DSTN: variants seen among roughly 807,000 people sequenced by gnomAD.
The protein encoded by DSTN is destrin, actin depolymerizing factor, also known as destrin.
In DSTN, 10 loss-of-function variants were observed where a neutral mutation model predicts 16.8. The observed-to-expected ratio is 0.60, with a 90% confidence interval of 0.37 to 1.01. DSTN has a LOEUF of 1.01. Among genes scored for constraint, DSTN ranks in the 50% least tolerant of loss-of-function variants. The pLI, the probability that DSTN is intolerant of heterozygous loss-of-function variation, is 0.01. For missense variants in DSTN, 141 were observed against 196.7 expected, an observed-to-expected ratio of 0.72 and a Z score of 1.69; for synonymous variants, 57 against 58.9, an observed-to-expected ratio of 0.97 and a Z score of 0.14.
intron 1 of DSTN, among the ~76,000 whole-genome samples, chr20:17,582,104 A>C (rs1226059728): frequency 7.4e-6 from 1 of 134,452 alleles, no homozygotes; most frequent in East Asian, 2.2e-4. Context: ...TTTGAGACTG[A>C]GTCTCACCCT....
rs2035669952 is a variant in DSTN at position 17,608,819 on chromosome 20, TAC to T, written c.*1677_*1678del. On this transcript the variant is annotated 3_prime_UTR_variant, in exon 4 of 4. Transcript: ENST00000246069. ...TGCCATCACATGGTTAGCATTTTGA[TAC>T]ACAGCTGTGCATTATTACATGTCAA... 6.6e-6 allele frequency: 1 copy of T among 152,256 alleles called. No individual in the cohort carries two copies. Among genetic ancestry groups the T allele is most frequent in the Non-Finnish European group, 1.5e-5 (1 of 68,044 alleles). The allele number at this position is 152,256 out of a possible 1,614,324, so 9.4% of individuals were successfully genotyped here.
chr20:17,602,808 C>T (rs983547205), intron 2 of DSTN, among the ~76,000 whole-genome samples: 6 of 152,120 alleles, frequency 3.9e-5, no homozygotes, highest in African/African-American at 1.2e-4. Context: ...GGGCAGATCA[C>T]GAGGTCAAGA....
chr20:17,593,858 A>G (rs2035496883), intron 1 of DSTN, among the ~76,000 whole-genome samples: 1 of 152,096 alleles, frequency 6.6e-6, no homozygotes, highest in Non-Finnish European at 1.5e-5. Context: ...GCAGGACAAT[A>G]GCTTGAGGCC....
At chr20:17,604,659 TA>T in intron 3 of DSTN, 28 bp downstream of exon 3, 1 of 1,591,380 alleles carries the variant, frequency 6.3e-7, no homozygotes, top group Non-Finnish European at 8.6e-7. Flanking sequence ...TCTGAATATG[TA>T]GAGGTATGGT....
chr20:17,591,412 G>A (rs1447060444), intron 1 of DSTN, among the ~76,000 whole-genome samples: 2 of 151,778 alleles, frequency 1.3e-5, no homozygotes, highest in Non-Finnish European at 2.9e-5. Context: ...GGGCCCATAG[G>A]CTTTGCCAGG....
chr20:17,572,052 T>A (rs1404943143), intron 1 of DSTN, among the ~76,000 whole-genome samples: 1 of 152,226 alleles, frequency 6.6e-6, no homozygotes, highest in Non-Finnish European at 1.5e-5. Flanking sequence ...GAGAATATTG[T>A]GGGTATTATC....
chr20:17,586,862 A>C (rs2035415465), intron 1 of DSTN, among the ~76,000 whole-genome samples: 1 of 152,202 alleles, frequency 6.6e-6, no homozygotes, highest in African/African-American at 2.4e-5. Flanking sequence ...ACAGATGATG[A>C]AGCTGAGGAT....
In DSTN at chr20:17,570,092, C is replaced by A; in HGVS notation, c.-117C>A. The A allele has an allele frequency of 2.1e-6, 3 of 1,454,206 alleles. No homozygotes were observed. Among genetic ancestry groups the A allele is most frequent in the South Asian group, 1.3e-5 (1 of 77,134 alleles). 90.1% of individuals were successfully genotyped at this position (1,454,206 alleles called of 1,614,324 possible). On this transcript the variant is annotated 5_prime_UTR_variant, in exon 1 of 4. Coordinates refer to ENST00000246069, the MANE Select transcript of DSTN (RefSeq NM_006870.4). ...GCGCGCCCGCCCCGGGGTAAGCTCG[C>A]GCCGCCGCGTCAGCTCAGCGCTGGG...
intron 1 of DSTN, among the ~76,000 whole-genome samples, chr20:17,572,369 TTA>T (rs1414985512): frequency 6.6e-6 from 1 of 152,168 alleles, no homozygotes; most frequent in African/African-American, 2.4e-5. Flanking sequence ...GCCAGCCTCC[TTA>T]TACAGAGATT....
At chr20:17,596,821 A>G (rs2035531556) in intron 1 of DSTN, 1 of 985,298 alleles carries the variant, frequency 1.0e-6, no homozygotes, top group Non-Finnish European at 1.2e-6. Flanking sequence ...GCTGAGATTT[A>G]TCTGTTTTAT....
At chr20:17,593,447 C>G (rs2035492909) in intron 1 of DSTN, among the ~76,000 whole-genome samples, 1 of 151,930 alleles carries the variant, frequency 6.6e-6, no homozygotes, top group African/African-American at 2.4e-5. Context: ...TCTTTAAGAA[C>G]TTGTGGCCTT....
At chr20:17,577,918 A>G (rs1041126762) in intron 1 of DSTN, among the ~76,000 whole-genome samples, 1 of 152,222 alleles carries the variant, frequency 6.6e-6, no homozygotes, top group Non-Finnish European at 1.5e-5. Flanking sequence ...CCAGTAATGG[A>G]TAAGAATAAA....
At chr20:17,601,795 G>A (rs572684350) in intron 2 of DSTN, among the ~76,000 whole-genome samples, 4 of 152,022 alleles carry the variant, frequency 2.6e-5, no homozygotes, top group Admixed American at 6.5e-5. Context: ...CAGGCAAGTC[G>A]GTATTTGAGA....
chr20:17,574,517 C>G (rs1453225231), intron 1 of DSTN, among the ~76,000 whole-genome samples: 23 of 152,014 alleles, frequency 1.5e-4, no homozygotes, highest in Admixed American at 1.4e-3. Flanking sequence ...TATATGGGAA[C>G]AATGCACTTC....
At chr20:17,576,961 C>G (rs527297914) in intron 1 of DSTN, among the ~76,000 whole-genome samples, 29 of 152,290 alleles carry the variant, frequency 1.9e-4, no homozygotes, top group African/African-American at 7.0e-4. Context: ...TCTCTAAAAT[C>G]CCAAACTTTT....
At position 17,607,235 on chromosome 20, in the gene DSTN, C is replaced by T; in HGVS notation, c.*89C>T. 1 of 1,168,712 alleles carries T rather than the reference C, an allele frequency of 8.6e-7. No homozygotes were observed. Among genetic ancestry groups the T allele is most frequent in the Non-Finnish European group, 1.2e-6 (1 of 821,630 alleles). The allele number at this position is 1,168,712 out of a possible 1,614,324, so 72.4% of individuals were successfully genotyped here. A position where few individuals can be genotyped will look rare whatever the true frequency, so the allele number is the denominator to read the frequency against. ...AGCAAATATATTTAGGCCAGGGTCT[C>T]ACTGAGGGGGAGCTGTCTTGTCATC... On this transcript the variant is annotated 3_prime_UTR_variant, in exon 4 of 4. Coordinates refer to ENST00000246069, the MANE Select transcript of DSTN (RefSeq NM_006870.4).
At chr20:17,591,422 G>C (rs2035467742) in intron 1 of DSTN, among the ~76,000 whole-genome samples, 1 of 151,824 alleles carries the variant, frequency 6.6e-6, no homozygotes, top group Non-Finnish European at 1.5e-5. Flanking sequence ...GCTTTGCCAG[G>C]AGTCCGTGGC....
chr20:17,577,470 G>A (rs1394233574), intron 1 of DSTN, among the ~76,000 whole-genome samples: 1 of 152,070 alleles, frequency 6.6e-6, no homozygotes, highest in Non-Finnish European at 1.5e-5. Context: ...GAGAGGTTGA[G>A]GCGGGAGAAT....
intron 1 of DSTN, among the ~76,000 whole-genome samples, chr20:17,578,754 A>G (rs535730746): frequency 6.6e-6 from 1 of 152,232 alleles, no homozygotes; most frequent in South Asian, 2.1e-4. Context: ...TGAGGTCGGG[A>G]GTTCGAAACC....
Sources: allele counts gnomAD v4.1 joint callset (sites outside exome capture counted in the v4.1 genomes callset), GRCh38; gene constraint gnomAD v4.1.1; transcripts MANE v1.5; gene names NCBI Gene and HGNC (gene_info 2026-07-23, HGNC 2026-07-21).